LUZP2: variants seen among roughly 807,000 people sequenced by gnomAD.
LUZP2 encodes leucine zipper protein 2.
Under a neutral mutation model 51.6 loss-of-function variants are expected in LUZP2, and 52 were observed. That is an observed-to-expected ratio of 1.01 (90% CI 0.81 to 1.27). The LOEUF is 1.27. Ranked by LOEUF, LUZP2 falls within the 50% of genes most tolerant of loss-of-function variation. LUZP2 has a pLI of 0.00. For missense variants in LUZP2, 436 were observed against 395.4 expected (o/e 1.10, Z -0.87); for synonymous variants, 154 against 137.3 (o/e 1.12, Z -0.85).
chr11:25,003,218 G>A (rs1401615552), intron 9 of LUZP2, among the ~76,000 whole-genome samples: 1 of 152,178 alleles, frequency 6.6e-6, no homozygotes, highest in South Asian at 2.1e-4. Context: ...AAGGACCAGA[G>A]TGCCTGGACT....
chr11:24,692,990 T>C (rs1004053422), intron 1 of LUZP2, among the ~76,000 whole-genome samples: 1 of 151,900 alleles, frequency 6.6e-6, no homozygotes, highest in African/African-American at 2.4e-5. Flanking sequence ...TCTCCCTAGA[T>C]TTTACAAAAT....
At chr11:24,984,843 T>G (rs1236915568) in intron 9 of LUZP2, among the ~76,000 whole-genome samples, 1 of 151,394 alleles carries the variant, frequency 6.6e-6, no homozygotes, top group Non-Finnish European at 1.5e-5. Context: ...AATTATTTTT[T>G]CTTTCCTCAG....
intron 5 of LUZP2, among the ~76,000 whole-genome samples, chr11:24,833,679 C>A (rs1047192526): frequency 1.4e-5 from 2 of 147,018 alleles, no homozygotes; most frequent in African/African-American, 5.0e-5. Flanking sequence ...GTTTTACACA[C>A]GTCACGTCCC....
At chr11:24,933,469 G>A (rs1430399050) in intron 7 of LUZP2, among the ~76,000 whole-genome samples, 2 of 152,052 alleles carry the variant, frequency 1.3e-5, no homozygotes, top group African/African-American at 4.8e-5. Flanking sequence ...TCCTGACCAG[G>A]TTTATTCATT....
chr11:24,738,372 A>G (rs555215317), intron 4 of LUZP2, 70 bp downstream of exon 4: 1 of 1,046,682 alleles, frequency 9.6e-7, no homozygotes, highest in South Asian at 1.3e-5. Flanking sequence ...TTCCAAAATC[A>G]CTATGGAACA....
chr11:24,826,708 G>C (rs898454000), intron 5 of LUZP2, among the ~76,000 whole-genome samples: 2 of 151,952 alleles, frequency 1.3e-5, no homozygotes, highest in African/African-American at 4.8e-5. Context: ...GAGTTTCACT[G>C]AAGATATACT....
intron 1 of LUZP2, among the ~76,000 whole-genome samples, chr11:24,593,966 A>G (rs1418238813): frequency 3.9e-5 from 6 of 152,184 alleles, no homozygotes; most frequent in Non-Finnish European, 7.3e-5. Context: ...GGAGGGCAGG[A>G]TTTAAATAGA....
chr11:24,840,900 A>T (rs1353689063), intron 5 of LUZP2, among the ~76,000 whole-genome samples: 3 of 152,044 alleles, frequency 2.0e-5, no homozygotes, highest in Admixed American at 2.0e-4. Flanking sequence ...AAAAGCCTCA[A>T]CATTTCTCCA....
At chr11:24,920,103 AG>A (rs1452233776) in intron 7 of LUZP2, among the ~76,000 whole-genome samples, 1 of 151,826 alleles carries the variant, frequency 6.6e-6, no homozygotes, top group Non-Finnish European at 1.5e-5. Flanking sequence ...TTGGGGAGGT[AG>A]GGGTAAATTA....
chr11:24,651,911 T>C (rs1478142252), intron 1 of LUZP2, among the ~76,000 whole-genome samples: 1 of 152,134 alleles, frequency 6.6e-6, no homozygotes, highest in East Asian at 1.9e-4. Context: ...CTTGTGAATT[T>C]TGGATGTGCA....
At chr11:24,923,944 A>G (rs1255318505) in intron 7 of LUZP2, among the ~76,000 whole-genome samples, 1 of 152,090 alleles carries the variant, frequency 6.6e-6, no homozygotes, top group African/African-American at 2.4e-5. Flanking sequence ...ATTCACTAAG[A>G]AGGAGATGAA....
At chr11:25,021,983 C>T (rs181086524) in intron 9 of LUZP2, among the ~76,000 whole-genome samples, 3 of 152,190 alleles carry the variant, frequency 2.0e-5, no homozygotes, top group South Asian at 4.1e-4. Context: ...CTTCATCCTT[C>T]TCCAGGCATA....
At chr11:24,897,303 G>A (rs988849750) in intron 5 of LUZP2, among the ~76,000 whole-genome samples, 2 of 152,188 alleles carry the variant, frequency 1.3e-5, no homozygotes, top group African/African-American at 2.4e-5. Context: ...CAGGCTGCAG[G>A]AGCCAGTAGT....
intron 7 of LUZP2, among the ~76,000 whole-genome samples, chr11:24,918,370 A>G (rs1368871920): frequency 6.6e-6 from 1 of 151,980 alleles, no homozygotes; most frequent in African/African-American, 2.4e-5. Context: ...TTCCAACACT[A>G]TGTTGAATAG....
At chr11:24,847,499 G>A (rs1851237888) in intron 5 of LUZP2, among the ~76,000 whole-genome samples, 1 of 152,126 alleles carries the variant, frequency 6.6e-6, no homozygotes, top group Admixed American at 6.6e-5. Flanking sequence ...GAAAAACACA[G>A]AAATAATGCT....
intron 7 of LUZP2, among the ~76,000 whole-genome samples, chr11:24,922,042 T>C (rs1164389889): frequency 6.6e-6 from 1 of 151,446 alleles, no homozygotes; most frequent in Middle Eastern, 3.4e-3. Flanking sequence ...GCTATCGCCA[T>C]GGATATTAAT....
At chr11:24,602,469 A>G (rs921466304) in intron 1 of LUZP2, among the ~76,000 whole-genome samples, 3 of 149,514 alleles carry the variant, frequency 2.0e-5, no homozygotes, top group Non-Finnish European at 4.5e-5. Context: ...GGCACATGTG[A>G]TCTTTAATAA....
chr11:24,890,816 T>C, intron 5 of LUZP2: 1 of 702,668 alleles, frequency 1.4e-6, no homozygotes, highest in Middle Eastern at 7.3e-4. Context: ...TATATGAATA[T>C]GCTAACAGAA....
intron 9 of LUZP2, among the ~76,000 whole-genome samples, chr11:25,030,058 A>G (rs1445908751): frequency 1.3e-5 from 2 of 152,168 alleles, no homozygotes; most frequent in Admixed American, 6.5e-5. Context: ...ATGGGTATTC[A>G]TGCAAAATGC....
Sources: allele counts gnomAD v4.1 joint callset (sites outside exome capture counted in the v4.1 genomes callset), GRCh38; gene constraint gnomAD v4.1.1; transcripts MANE v1.5; gene names NCBI Gene and HGNC (gene_info 2026-07-23, HGNC 2026-07-21).